CDS2: variants seen among roughly 807,000 people sequenced by gnomAD.
The protein encoded by CDS2 is phosphatidate cytidylyltransferase 2.
Under a neutral mutation model 59.0 loss-of-function variants are expected in CDS2, and 47 were observed. That is an observed-to-expected ratio of 0.80 (90% confidence interval 0.63 to 1.02). CDS2 has a LOEUF of 1.02. CDS2 is among the 50% of genes least tolerant of loss of function. The pLI is 0.00. For missense variants in CDS2, 356 were observed against 558.9 expected, an observed-to-expected ratio of 0.64 and a Z score of 3.66; for synonymous variants, 207 against 206.4, an observed-to-expected ratio of 1.00 and a Z score of -0.02.
Position 5,190,416 on chromosome 20 carries a change from A to G in CDS2, c.*182A>G. Reference sequence around the variant, plus strand: ...CTGTATATACAGTCTATGTGTTTAGAATTTGTGTTGTAAGTAAACTACAGC... The same window carrying G: ...CTGTATATACAGTCTATGTGTTTAGGATTTGTGTTGTAAGTAAACTACAGC... On this transcript the variant is annotated 3_prime_UTR_variant, in exon 13 of 13. Coordinates refer to ENST00000460006, the MANE Select transcript of CDS2 (RefSeq NM_003818.4). 2.1e-6 allele frequency: 1 copy of G among 479,986 alleles called. No individual in the cohort carries two copies. 29.7% of individuals were successfully genotyped at this position (479,986 alleles called of 1,614,324 possible). A position where few individuals can be genotyped will look rare whatever the true frequency, so the allele number is the denominator to read the frequency against.
At chr20:5,151,750 CTTTTTTTTTTTT>C (rs57378947) in intron 1 of CDS2, among the ~76,000 whole-genome samples, 865 of 53,196 alleles carry the variant, frequency 0.016, 27 homozygotes, top group African/African-American at 0.048. Context: ...GACTCCATGT[CTTTTTTTTTTTT>C]TTTTTTTTTT....
chr20:5,186,654 T>C lies in CDS2; in HGVS notation c.829-33T>C, dbSNP rs183564095. 93 of 1,611,362 alleles carry C rather than the reference T, an allele frequency of 5.8e-5. No individual in the cohort carries two copies. The African/African-American group carries it at 1.2e-3, about 20-fold the overall frequency. On this transcript the variant is annotated intron_variant, in intron 9 of 12. Transcript: ENST00000460006. ...TCTGGGCTGGATGGTTGGAACTTAC[T>C]TCCTTGCCGGTCTCTCTGTTATTCC...
rs148444736 is a variant in CDS2, at chr20:5,190,419, TTG to T, written c.*189_*190del. 3,395 of 477,122 alleles carry T rather than the reference TTG, an allele frequency of 7.1e-3. 92 individuals are homozygous for T. Among genetic ancestry groups the T allele is most frequent in the African/African-American group, 0.059 (2,944 of 50,194 alleles). 29.6% of individuals were successfully genotyped at this position (477,122 alleles called of 1,614,324 possible). On this transcript the variant is annotated 3_prime_UTR_variant, in exon 13 of 13. Transcript: ENST00000460006. ...TATATACAGTCTATGTGTTTAGAAT[TTG>T]TGTTGTAAGTAAACTACAGCTTTGA... is the stretch of plus-strand genomic sequence containing the variant.
intron 1 of CDS2, among the ~76,000 whole-genome samples, chr20:5,147,224 A>C (rs2090750749): frequency 6.6e-6 from 1 of 152,218 alleles, no homozygotes; most frequent in Non-Finnish European, 1.5e-5. Flanking sequence ...TGCCTGTTAA[A>C]AATGGACAGA....
At chr20:5,154,934 C>A (rs555120848) in intron 1 of CDS2, among the ~76,000 whole-genome samples, 1 of 152,240 alleles carries the variant, frequency 6.6e-6, no homozygotes, top group Non-Finnish European at 1.5e-5. Flanking sequence ...AGGCATGAGC[C>A]GTTGCGCTCA....
rs2091156225 is a variant in CDS2, at chr20:5,196,241, C to A, written c.*6007C>A. On this transcript the variant is annotated 3_prime_UTR_variant, in exon 13 of 13. Transcript: ENST00000460006. ...AGCAGCTGCTGTGACAGGCCAATCCCAGGCTTGCCCCCGAGCCCTCCTGTC... is the reference window on the plus strand; with the variant it reads ...AGCAGCTGCTGTGACAGGCCAATCCAAGGCTTGCCCCCGAGCCCTCCTGTC... The A allele has an allele frequency of 6.6e-6, 1 of 152,218 alleles. No individual in the cohort carries two copies. The allele number at this position is 152,218 out of a possible 1,614,324, so 9.4% of individuals were successfully genotyped here. A position where few individuals can be genotyped will look rare whatever the true frequency, so the allele number is the denominator to read the frequency against.
chr20:5,173,733 G>A, intron 2 of CDS2, 74 bp downstream of exon 2: 1 of 1,573,110 alleles, frequency 6.4e-7, no homozygotes, highest in South Asian at 1.1e-5. Context: ...AGAGCCTGCA[G>A]AGAGCCCGTG....
In CDS2 at chr20:5,172,981, G is replaced by A. The variant is rs559930652; in HGVS notation, c.58-542G>A. On this transcript the variant is annotated intron_variant, in intron 1 of 12. Transcript: ENST00000460006. ...GAGGTGCACCAGTCCTGGCTCGAGCGTTGTCTGGAGTAGGCTGTCTGGTTC... is the reference window on the plus strand; with the variant it reads ...GAGGTGCACCAGTCCTGGCTCGAGCATTGTCTGGAGTAGGCTGTCTGGTTC... 9.1e-4 allele frequency among the ~76,000 whole-genome samples: 139 copies of A among 152,296 alleles called. 1 individual carries two copies. In the East Asian group the frequency reaches 0.014, roughly 16 times the overall value.
Position 5,197,700 on chromosome 20 carries a change from C to T in CDS2, c.*7466C>T, listed in dbSNP as rs2091169103. ...CTGTGCGCTACTGCTGTGCCATTTT[C>T]CCAACTTGGCGTTTCACTAAATGCA... On this transcript the variant is annotated 3_prime_UTR_variant, in exon 13 of 13. Transcript: ENST00000460006. 1 of 152,194 alleles carries T rather than the reference C, an allele frequency of 6.6e-6. No individual in the cohort carries two copies. Among genetic ancestry groups the T allele is most frequent in the South Asian group, 2.1e-4 (1 of 4,830 alleles). The allele number at this position is 152,194 out of a possible 1,614,324, so 9.4% of individuals were successfully genotyped here. A position where few individuals can be genotyped will look rare whatever the true frequency, so the allele number is the denominator to read the frequency against.
intron 1 of CDS2, among the ~76,000 whole-genome samples, chr20:5,157,848 CAT>C (rs1217380304): frequency 6.6e-6 from 1 of 152,064 alleles, no homozygotes; most frequent in Non-Finnish European, 1.5e-5. Context: ...TTTGGGGAGA[CAT>C]AAATATGCAG....
At chr20:5,169,085 C>G (rs191424787) in intron 1 of CDS2, among the ~76,000 whole-genome samples, 1 of 152,210 alleles carries the variant, frequency 6.6e-6, no homozygotes, top group Non-Finnish European at 1.5e-5. Flanking sequence ...AGGAGCTTCC[C>G]CCTTCCTTTA....
At position 5,190,365 on chromosome 20, in the gene CDS2, AT is replaced by A; in HGVS notation, c.*137del. Reference sequence around the variant, plus strand: ...TCTTTTTTTTTTTTTTTTGGAGGGTATTTTTTATTTGTGGGTTCAAAAAATC... The same window carrying A: ...TCTTTTTTTTTTTTTTTTGGAGGGTATTTTTATTTGTGGGTTCAAAAAATC... On this transcript the variant is annotated 3_prime_UTR_variant, in exon 13 of 13. Transcript: ENST00000460006. 3 of 860,042 alleles carry A rather than the reference AT, an allele frequency of 3.5e-6. No homozygotes were observed. The highest frequency in any genetic ancestry group is 5.1e-6 in the Non-Finnish European group (3 of 587,538). The allele number at this position is 860,042 out of a possible 1,614,324, so 53.3% of individuals were successfully genotyped here.
intron 1 of CDS2, among the ~76,000 whole-genome samples, chr20:5,131,117 G>GGAGTAAACTT (rs2122941126): frequency 6.6e-6 from 1 of 151,068 alleles, no homozygotes; most frequent in Admixed American, 6.6e-5. Flanking sequence ...AAAAAGCTCT[G>GGAGTAAACTT]GAGTAAACTT....
chr20:5,153,851 T>G (rs1350516361), intron 1 of CDS2, among the ~76,000 whole-genome samples: 2 of 152,202 alleles, frequency 1.3e-5, no homozygotes, highest in African/African-American at 4.8e-5. Flanking sequence ...GTTTGTGTTT[T>G]TGTGACTGAG....
intron 1 of CDS2, among the ~76,000 whole-genome samples, chr20:5,144,113 A>C (rs1432799418): frequency 6.6e-6 from 1 of 152,076 alleles, no homozygotes; most frequent in East Asian, 1.9e-4. Context: ...GGATTGCTGG[A>C]TCATATGGTA....
intron 1 of CDS2, among the ~76,000 whole-genome samples, chr20:5,154,969 G>T (rs1464160495): frequency 6.6e-6 from 1 of 152,210 alleles, no homozygotes; most frequent in African/African-American, 2.4e-5. Flanking sequence ...ATTCTGCTTA[G>T]AGCATTTCCT....
chr20:5,184,906 T>G lies in CDS2; in HGVS notation c.720T>G (p.Tyr240Ter). 1.9e-6 allele frequency: 3 copies of G among 1,614,056 alleles called. No individual in the cohort carries two copies. The highest frequency in any genetic ancestry group is 2.5e-6 in the Non-Finnish European group (3 of 1,179,940). Residue 240 changes from tyrosine to a stop codon, truncating the protein, a stop_gained, in exon 8 of 13, where the codon TAT becomes TAG. Coordinates refer to ENST00000460006, the MANE Select transcript of CDS2 (RefSeq NM_003818.4). LOFTEE classifies it high-confidence loss of function. The surrounding 1 kb of genome is among the most constrained non-coding windows in gnomAD (Gnocchi z 4.3). ...SCVICNDIMA[Y>*]MFGFFFGRTP... The stretch of plus-strand genomic sequence containing the variant: ...TGATCTGTAATGACATCATGGCCTA[T>G]ATGTTTGGCTTTTTCTTTGGTCGGA...
intron 1 of CDS2, among the ~76,000 whole-genome samples, chr20:5,130,514 C>T (rs1428306031): frequency 3.3e-5 from 5 of 151,976 alleles, no homozygotes; most frequent in Non-Finnish European, 5.9e-5. Context: ...CGGTGGCTCA[C>T]GCCTGTAATC....
intron 1 of CDS2, among the ~76,000 whole-genome samples, chr20:5,142,897 C>T (rs969624807): frequency 7.2e-5 from 11 of 152,018 alleles, no homozygotes; most frequent in African/African-American, 2.2e-4. Flanking sequence ...CTCTGTTGCC[C>T]GGTTGGAGTG....
Sources: gnomAD v4.1 joint callset for allele counts (sites outside exome capture counted in the v4.1 genomes callset) on GRCh38, gnomAD v4.1.1 for gene constraint, Gnocchi (gnomAD v3.1) non-coding constraint, MANE v1.5 for transcripts, NCBI Gene and HGNC (gene_info 2026-07-23, HGNC 2026-07-21) for gene names.